KIF26A: variants seen among roughly 807,000 people sequenced by gnomAD.
The protein encoded by KIF26A is kinesin family member 26A.
A neutral mutation model predicts 126.0 loss-of-function variants in KIF26A; 74 were observed. The ratio of observed to expected loss-of-function variants is 0.59; its 90% CI spans 0.49 to 0.71. KIF26A has a LOEUF of 0.71. KIF26A is among the 30% of genes least tolerant of loss of function. The probability of loss-of-function intolerance (pLI) is 0.00; values close to 1 mark genes in which losing one functional copy is unlikely to be tolerated. For missense variants in KIF26A, 2,984 were observed against 2,763.3 expected, an observed-to-expected ratio of 1.08 and a Z score of -1.79; for synonymous variants, 1,445 against 1,232.7, an observed-to-expected ratio of 1.17 and a Z score of -3.61.
At position 104,175,339 on chromosome 14, in the gene KIF26A, A is replaced by G. The variant is rs767346208; in HGVS notation, c.2551A>G (p.Met851Val). 6.2e-6 allele frequency: 10 copies of G among 1,603,326 alleles called. No homozygotes were observed. The highest frequency in any genetic ancestry group is 4.4e-5 in the South Asian group (4 of 90,926). ...FAELQERLEC[M>V]DGNEGPSGGP... is the part of the protein sequence containing the mutation. ...GGAGCTGCAGGAGCGGCTGGAATGC[A>G]TGGACGGCAACGAGGGTCCCTCAGG... Residue 851 changes from methionine (M) to valine (V), a missense_variant, in exon 12 of 15, where the codon ATG becomes GTG. By Grantham distance (21) the Met-to-Val change is conservative (BLOSUM62 1). Transcript: ENST00000423312.
At chr14:104,179,544 G>C in intron 14 of KIF26A, 65 bp from the exon 15 acceptor site, 1 of 1,446,408 alleles carries the variant, frequency 6.9e-7, no homozygotes, top group Admixed American at 2.6e-5. Flanking sequence ...CCTCTGGGGG[G>C]CCAGGTGGCT....
At chr14:104,146,949 G>A (rs1430500835) in intron 2 of KIF26A, among the ~76,000 whole-genome samples, 3 of 152,244 alleles carry the variant, frequency 2.0e-5, no homozygotes, top group Admixed American at 6.5e-5. Context: ...GGCTGGTGGT[G>A]TGGACAGTCC....
chr14:104,149,924 C>T (rs565834491), intron 2 of KIF26A, among the ~76,000 whole-genome samples: 207 of 152,302 alleles, frequency 1.4e-3, no homozygotes, highest in African/African-American at 4.7e-3. Context: ...CCCCTTCACA[C>T]GGGGCCACCA....
chr14:104,173,415 G>A lies in KIF26A; in HGVS notation c.1769G>A (p.Ser590Asn). The change falls in exon 9 of 15, where the codon AGC (serine) becomes AAC (asparagine). Residue 590 changes from serine (S) to asparagine (N), a missense_variant. By Grantham distance (46) the Ser-to-Asn change is conservative. Coordinates refer to ENST00000423312, the MANE Select transcript of KIF26A (RefSeq NM_015656.2). ...LDAALAARST[S>N]RAGCGEDARR... ...GCGGCCCTGGCGGCCCGCAGCACCAGCCGAGCGGGCTGTGGCGAGGACGCC... is the reference window on the plus strand; with the variant it reads ...GCGGCCCTGGCGGCCCGCAGCACCAACCGAGCGGGCTGTGGCGAGGACGCC... 2 of 1,583,802 alleles carry A rather than the reference G, an allele frequency of 1.3e-6. No individual in the cohort carries two copies. Among genetic ancestry groups the A allele is most frequent in the Non-Finnish European group, 1.7e-6 (2 of 1,166,084 alleles).
intron 2 of KIF26A, among the ~76,000 whole-genome samples, chr14:104,144,444 C>T (rs2037663784): frequency 6.6e-6 from 1 of 152,108 alleles, no homozygotes; most frequent in African/African-American, 2.4e-5. Flanking sequence ...CTGCAGGCTA[C>T]CCCCAAACCT....
At chr14:104,163,978 G>A (rs1019311416) in intron 4 of KIF26A, among the ~76,000 whole-genome samples, 1 of 152,096 alleles carries the variant, frequency 6.6e-6, no homozygotes, top group African/African-American at 2.4e-5. Context: ...CTGGGTGGCT[G>A]CAGGCACCGC....
In KIF26A at chr14:104,176,199, G is replaced by C. The variant is rs542943121; in HGVS notation, c.3411G>C (p.Ser1137=). Residue 1137 remains serine, a synonymous_variant, in exon 12 of 15, where the codon TCG becomes TCC. Transcript: ENST00000423312. Reference sequence around the variant, plus strand: ...CGCAGCCCCGCTTCAGCCCCGACTCGCTGGCAGGGCTTGACCCTGGGGGCC... The same window carrying C: ...CGCAGCCCCGCTTCAGCCCCGACTCCCTGGCAGGGCTTGACCCTGGGGGCC... ...PTPQPRFSPD[S]LAGLDPGGPP... The C allele has an allele frequency of 5.0e-6, 8 of 1,600,574 alleles. No homozygotes were observed. The African/African-American group carries it at 1.1e-4, about 21-fold the overall frequency.
chr14:104,165,553 GTGTC>G (rs1424489508), intron 4 of KIF26A, among the ~76,000 whole-genome samples: 13 of 150,152 alleles, frequency 8.7e-5, no homozygotes, highest in East Asian at 2.0e-4. Context: ...GCGTGTGTGT[GTGTC>G]TGTGTGTTTC....
chr14:104,174,201 G>A lies in KIF26A; in HGVS notation c.2084G>A (p.Arg695His), dbSNP rs774219038. Residue 695 changes from arginine to histidine, a missense_variant, in exon 11 of 15, where the codon CGC (arginine) becomes CAC (histidine). By Grantham distance (29) the Arg-to-His change is conservative (BLOSUM62 0). Transcript: ENST00000423312. ...GAATCCCTGGCCACCGCTGGCTGCCGCACCACCATGATCGCCCACGTGTCG... is the reference window on the plus strand; with the variant it reads ...GAATCCCTGGCCACCGCTGGCTGCCACACCACCATGATCGCCCACGTGTCG... ...LRESLATAGC[R>H]TTMIAHVSDA... The A allele has an allele frequency of 7.7e-5, 123 of 1,588,504 alleles. 1 individual carries two copies. The highest frequency in any genetic ancestry group is 9.6e-5 in the Non-Finnish European group (112 of 1,168,394).
intron 3 of KIF26A, among the ~76,000 whole-genome samples, chr14:104,154,583 C>T (rs2141097299): frequency 6.6e-6 from 1 of 152,342 alleles, no homozygotes; most frequent in African/African-American, 2.4e-5. Flanking sequence ...CGGAGCCTGG[C>T]CCTGTGCCTG....
chr14:104,177,468 C>T lies in KIF26A; in HGVS notation c.4680C>T (p.Leu1560=). 6.5e-7 allele frequency: 1 copy of T among 1,532,414 alleles called. No homozygotes were observed. Among genetic ancestry groups the T allele is most frequent in the Non-Finnish European group, 8.7e-7 (1 of 1,145,010 alleles). The allele number at this position is 1,532,414 out of a possible 1,614,324, so 94.9% of individuals were successfully genotyped here. The change falls in exon 12 of 15, where the codon CTC becomes CTT. Residue 1560 remains leucine (L), a synonymous_variant. Coordinates refer to ENST00000423312, the MANE Select transcript of KIF26A (RefSeq NM_015656.2). Reference sequence around the variant, plus strand: ...CCGTCATGGGCACAAAGCAGGCGCTCCGGGCTGCTCACAGCCGCGTCCATG... The same window carrying T: ...CCGTCATGGGCACAAAGCAGGCGCTTCGGGCTGCTCACAGCCGCGTCCATG... The part of the protein sequence containing the change: ...RGTVMGTKQA[L]RAAHSRVHEL...
Position 104,152,186 on chromosome 14 carries a change from G to A in KIF26A, c.460G>A (p.Ala154Thr), listed in dbSNP as rs199541796. ...CCCTGCCAGCCATGAGGACCTTGACGCCCCCCATGGAGGCCCCAGCCTCGC... is the reference window on the plus strand; with the variant it reads ...CCCTGCCAGCCATGAGGACCTTGACACCCCCCATGGAGGCCCCAGCCTCGC... ...QAPASHEDLD[A>T]PHGGPSLAPP... Residue 154 changes from alanine (A) to threonine (T), a missense_variant, in exon 3 of 15, where the codon GCC (alanine) becomes ACC (threonine). Coordinates refer to ENST00000423312, the MANE Select transcript of KIF26A (RefSeq NM_015656.2). This position sits in a 1 kb window ranked among gnomAD's most constrained non-coding sequence, Gnocchi z 5.9. 4.4e-6 allele frequency: 7 copies of A among 1,607,010 alleles called. No individual in the cohort carries two copies. The highest frequency in any genetic ancestry group is 2.7e-5 in the African/African-American group (2 of 74,864).
At position 104,151,073 on chromosome 14, in the gene KIF26A, G is replaced by A. The variant is rs1315979426; in HGVS notation, c.289-942G>A. Among the ~76,000 whole-genome samples the A allele has an allele frequency of 1.3e-5, 2 of 152,210 alleles. No homozygotes were observed. The highest frequency in any genetic ancestry group is 1.5e-5 in the Non-Finnish European group (1 of 68,034). On this transcript the variant is annotated intron_variant, in intron 2 of 14. Coordinates refer to ENST00000423312, the MANE Select transcript of KIF26A (RefSeq NM_015656.2). The surrounding 1 kb of genome is among the most constrained non-coding windows in gnomAD (Gnocchi z 4.9). ...AGCCTGGTGGGGTGGTGAGGGACAC[G>A]GGTGGGCCCCAGAGAGGAGTAAGCC...
At chr14:104,177,959 A>G in intron 12 of KIF26A, 61 bp downstream of exon 12, 1 of 1,401,018 alleles carries the variant, frequency 7.1e-7, no homozygotes, top group Non-Finnish European at 9.3e-7. Context: ...AGATGTGCAC[A>G]GCCCTCTACA....
At chr14:104,154,095 A>G (rs1334605593) in intron 3 of KIF26A, among the ~76,000 whole-genome samples, 3 of 152,250 alleles carry the variant, frequency 2.0e-5, no homozygotes, top group Non-Finnish European at 2.9e-5. Context: ...GGCATCGATC[A>G]TTAGCGTGGC....
chr14:104,176,684 C>T lies in KIF26A; in HGVS notation c.3896C>T (p.Ala1299Val). 1.9e-6 allele frequency: 3 copies of T among 1,594,722 alleles called. No homozygotes were observed. Among genetic ancestry groups the T allele is most frequent in the Non-Finnish European group, 1.7e-6 (2 of 1,170,450 alleles). The change falls in exon 12 of 15, where the codon GCT (alanine) becomes GTT (valine). Residue 1299 changes from alanine to valine, a missense_variant. By Grantham distance (64) the Ala-to-Val change is moderately conservative. Transcript: ENST00000423312. ...GCCAGGGCGGCCCGCAGGCCAGAGG[C>T]TGTGGCTCGGATCCCACCGCTGCGG... ...VAARAARRPE[A>V]VARIPPLRRG...
chr14:104,177,309 G>T lies in KIF26A; in HGVS notation c.4521G>T (p.Gly1507=), dbSNP rs1399791035. 1.9e-6 allele frequency: 3 copies of T among 1,552,534 alleles called. No homozygotes were observed. The African/African-American group carries it at 4.1e-5, about 21-fold the overall frequency. The change falls in exon 12 of 15, where the codon GGG becomes GGT. Residue 1507 remains glycine (G), a synonymous_variant. Transcript: ENST00000423312. ...AGGGCCGTGGCCTAGTGGCTGGTGGGTCGCGGGCTCTGGGGCCTTCGGTGA... is the reference window on the plus strand; with the variant it reads ...AGGGCCGTGGCCTAGTGGCTGGTGGTTCGCGGGCTCTGGGGCCTTCGGTGA... ...GGKGRGLVAG[G]SRALGPSVKL...
intron 4 of KIF26A, among the ~76,000 whole-genome samples, chr14:104,159,306 G>A (rs140797680): frequency 4.7e-4 from 71 of 152,366 alleles, no homozygotes; most frequent in African/African-American, 1.6e-3. Context: ...GGGCCTGTGC[G>A]GCTGTTCTGG....
In KIF26A at chr14:104,180,221, G is replaced by A. The variant is rs948500628; in HGVS notation, c.*431G>A. On this transcript the variant is annotated 3_prime_UTR_variant, in exon 15 of 15. Coordinates refer to ENST00000423312, the MANE Select transcript of KIF26A (RefSeq NM_015656.2). ...GAGTGGGACTTACCTGCACGCCCCA[G>A]GGGTCTTTCAGGATTCAGGATGACT... is the stretch of plus-strand genomic sequence containing the variant. 8.0e-5 allele frequency: 13 copies of A among 161,568 alleles called. No homozygotes were observed. The highest frequency in any genetic ancestry group is 2.6e-4 in the African/African-American group (11 of 41,736). The allele number at this position is 161,568 out of a possible 1,614,324, so 10.0% of individuals were successfully genotyped here.
Sources: allele counts gnomAD v4.1 joint callset (sites outside exome capture counted in the v4.1 genomes callset), GRCh38; gene constraint gnomAD v4.1.1; non-coding constraint Gnocchi (gnomAD v3.1); transcripts MANE v1.5; gene names NCBI Gene and HGNC (gene_info 2026-07-23, HGNC 2026-07-21).